The following MARK1 variants were observed in gnomAD, a reference collection of about 807,000 sequenced individuals.
MARK1 encodes microtubule affinity regulating kinase 1.
Under a neutral mutation model 96.3 loss-of-function variants are expected in MARK1, and 40 were observed. That is an observed-to-expected ratio of 0.42 (90% confidence interval 0.32 to 0.54). The LOEUF (loss-of-function observed/expected upper bound fraction) is 0.54. Ranked by LOEUF, MARK1 falls within the 20% of genes least tolerant of loss-of-function variation. MARK1 has a pLI of 0.16. For synonymous variants in MARK1, 317 were observed against 341.2 expected (o/e 0.93, Z 0.78); for missense variants, 719 against 984.6 (o/e 0.73, Z 3.61).
chr1:220,641,770 G>A (rs1166232078), intron 13 of MARK1, among the ~76,000 whole-genome samples: 1 of 151,438 alleles, frequency 6.6e-6, no homozygotes, highest in Non-Finnish European at 1.5e-5. Flanking sequence ...AGAAAAGCAA[G>A]GAAAAGCGGC....
At chr1:220,592,124 T>C (rs532075984) in intron 3 of MARK1, among the ~76,000 whole-genome samples, 133 of 151,900 alleles carry the variant, frequency 8.8e-4, no homozygotes, top group South Asian at 2.9e-3. Context: ...CACTTTTGCA[T>C]AATCCCTTCC....
At chr1:220,561,672 G>T (rs1283646211) in intron 1 of MARK1, among the ~76,000 whole-genome samples, 7 of 152,168 alleles carry the variant, frequency 4.6e-5, no homozygotes, top group Non-Finnish European at 8.8e-5. Context: ...TGTTAATATT[G>T]TCTGAGTTAT....
At chr1:220,583,467 A>G (rs577206023) in intron 3 of MARK1, among the ~76,000 whole-genome samples, 1 of 152,290 alleles carries the variant, frequency 6.6e-6, no homozygotes, top group South Asian at 2.1e-4. Context: ...TGTTCCCATA[A>G]TATGCTCATA....
chr1:220,660,784 T>C (rs1327951909), intron 17 of MARK1, among the ~76,000 whole-genome samples: 1 of 152,194 alleles, frequency 6.6e-6, no homozygotes, highest in Non-Finnish European at 1.5e-5. Flanking sequence ...TTAACAAATA[T>C]GTTAATTATT....
intron 3 of MARK1, among the ~76,000 whole-genome samples, chr1:220,586,007 A>G (rs1178731594): frequency 0.074 from 4,557 of 61,676 alleles, 220 homozygotes; most frequent in African/African-American, 0.15. Flanking sequence ...ACACACACAC[A>G]CACACGCGCG....
At chr1:220,643,725 G>A (rs1483576859) in intron 13 of MARK1, among the ~76,000 whole-genome samples, 1 of 152,204 alleles carries the variant, frequency 6.6e-6, no homozygotes, top group African/African-American at 2.4e-5. Flanking sequence ...CAGTGGACCT[G>A]TCAGTGTAAA....
At chr1:220,579,185 G>A (rs1664065339) in intron 1 of MARK1, among the ~76,000 whole-genome samples, 169 bp from the exon 2 acceptor site, 1 of 152,094 alleles carries the variant, frequency 6.6e-6, no homozygotes, top group Non-Finnish European at 1.5e-5. Context: ...ACCTGGTAAA[G>A]GGAGCTGAAG....
intron 13 of MARK1, 52 bp from the exon 14 acceptor site, chr1:220,650,568 T>A: frequency 6.6e-6 from 8 of 1,203,844 alleles, no homozygotes; most frequent in Non-Finnish European, 9.7e-6. Flanking sequence ...TTTCTTTGGC[T>A]TTCCACAAAT....
chr1:220,587,498 A>G (rs1184991719), intron 3 of MARK1, among the ~76,000 whole-genome samples: 1 of 151,814 alleles, frequency 6.6e-6, no homozygotes, highest in Non-Finnish European at 1.5e-5. Flanking sequence ...CCTCCCAAGT[A>G]GCTGGGATTA....
At chr1:220,611,167 T>C (rs1666418120) in intron 6 of MARK1, among the ~76,000 whole-genome samples, 2 of 152,356 alleles carry the variant, frequency 1.3e-5, no homozygotes, top group South Asian at 4.1e-4. Context: ...TGTTCAACCA[T>C]GCCCTGCCCA....
At chr1:220,616,107 T>C in intron 7 of MARK1, 112 bp downstream of exon 7, 1 of 449,684 alleles carries the variant, frequency 2.2e-6, no homozygotes, top group Non-Finnish European at 3.9e-6. Flanking sequence ...CTGGACACTA[T>C]ACAAGTAGTT....
chr1:220,544,359 G>A (rs886330967), intron 1 of MARK1, among the ~76,000 whole-genome samples: 13 of 152,200 alleles, frequency 8.5e-5, no homozygotes, highest in African/African-American at 2.4e-4. Flanking sequence ...GAGCCCTCAC[G>A]AATGGCTTAA....
intron 3 of MARK1, among the ~76,000 whole-genome samples, chr1:220,592,304 A>C (rs1426418489): frequency 6.6e-6 from 1 of 151,268 alleles, no homozygotes; most frequent in Admixed American, 6.6e-5. Flanking sequence ...TCTAGAGACT[A>C]TACTTGCTGG....
At chr1:220,649,593 T>C (rs1194685095) in intron 13 of MARK1, among the ~76,000 whole-genome samples, 1 of 152,306 alleles carries the variant, frequency 6.6e-6, no homozygotes, top group East Asian at 1.9e-4. Flanking sequence ...CATACTTTTA[T>C]AGTTTTTAGC....
intron 13 of MARK1, among the ~76,000 whole-genome samples, chr1:220,637,361 G>T (rs567226158): frequency 2.6e-5 from 4 of 152,306 alleles, no homozygotes; most frequent in African/African-American, 9.6e-5. Flanking sequence ...TTAGGCAGAT[G>T]ATAGGAGTAA....
chr1:220,618,261 T>A lies in MARK1; in HGVS notation c.553-49T>A, dbSNP rs745912794. The A allele has an allele frequency of 1.7e-6, 2 of 1,179,078 alleles. No homozygotes were observed. Among genetic ancestry groups the A allele is most frequent in the Non-Finnish European group, 2.5e-6 (2 of 805,898 alleles). The allele number at this position is 1,179,078 out of a possible 1,614,324, so 73.0% of individuals were successfully genotyped here. A position where few individuals can be genotyped will look rare whatever the true frequency, so the allele number is the denominator to read the frequency against. On this transcript the variant is annotated intron_variant, in intron 7 of 17. Coordinates refer to ENST00000366917, the MANE Select transcript of MARK1 (RefSeq NM_018650.5). The surrounding 1 kb of genome is among the most constrained non-coding windows in gnomAD (Gnocchi z 4.6). ...GCTAAAACTCTTTTACAAATATTTT[T>A]ATTTTATGTAGGCTTTTTACATTGT...
At chr1:220,591,230 T>C (rs1664961394) in intron 3 of MARK1, among the ~76,000 whole-genome samples, 1 of 152,188 alleles carries the variant, frequency 6.6e-6, no homozygotes, top group South Asian at 2.1e-4. Context: ...CCAATACTTT[T>C]GGAGGAATTC....
rs145365823 is a variant in MARK1 at position 220,663,927 on chromosome 1, C to G, written c.*1761C>G. On this transcript the variant is annotated 3_prime_UTR_variant, in exon 18 of 18. Transcript: ENST00000366917. ...CATAATAAAGCACTTGTCTTTTGCT[C>G]TTTATCAGAATGTGAATTACCTGTT... 3 of 152,530 alleles carry G rather than the reference C, an allele frequency of 2.0e-5. No individual in the cohort carries two copies. Among genetic ancestry groups the G allele is most frequent in the Non-Finnish European group, 4.4e-5 (3 of 68,014 alleles). The allele number at this position is 152,530 out of a possible 1,614,324, so 9.4% of individuals were successfully genotyped here.
At chr1:220,558,622 TCAAAGATATTATTA>T (rs1366120825) in intron 1 of MARK1, among the ~76,000 whole-genome samples, 5 of 151,686 alleles carry the variant, frequency 3.3e-5, no homozygotes, top group Non-Finnish European at 7.4e-5. Context: ...CCCTAAATAA[TCAAAGATATTATTA>T]ACAAGGAGAT....
Sources: allele counts gnomAD v4.1 joint callset (sites outside exome capture counted in the v4.1 genomes callset), GRCh38; gene constraint gnomAD v4.1.1; non-coding constraint Gnocchi (gnomAD v3.1); transcripts MANE v1.5; gene names NCBI Gene and HGNC (gene_info 2026-07-23, HGNC 2026-07-21).